Variants in NECAB1 observed in about 807,000 individuals in gnomAD.
NECAB1 encodes N-terminal EF-hand calcium-binding protein 1.
A neutral mutation model predicts 57.5 loss-of-function variants in NECAB1; 29 were observed. The observed-to-expected ratio is 0.50, with a 90% CI of 0.38 to 0.69. The LOEUF (loss-of-function observed/expected upper bound fraction) is 0.69. Ranked by LOEUF, NECAB1 falls within the 30% of genes least tolerant of loss-of-function variation. NECAB1 has a pLI of 0.00. For synonymous variants in NECAB1, 142 were observed against 147.7 expected, an observed-to-expected ratio of 0.96 and a Z score of 0.28; for missense variants, 372 against 413.8, an observed-to-expected ratio of 0.90 and a Z score of 0.88.
intron 2 of NECAB1, among the ~76,000 whole-genome samples, chr8:90,819,528 T>G (rs535909146): frequency 4.9e-4 from 74 of 152,034 alleles, no homozygotes; most frequent in African/African-American, 1.7e-3. Context: ...TCTTTTTGTT[T>G]TTTCTGTTGA....
At chr8:90,826,834 A>G (rs1003006611) in intron 3 of NECAB1, among the ~76,000 whole-genome samples, 10 of 151,906 alleles carry the variant, frequency 6.6e-5, no homozygotes, top group African/African-American at 1.9e-4. Flanking sequence ...CTTTAAGACT[A>G]CTAAATGTTA....
At chr8:90,915,400 T>A (rs1469752987) in intron 5 of NECAB1, among the ~76,000 whole-genome samples, 2 of 152,246 alleles carry the variant, frequency 1.3e-5, no homozygotes, top group South Asian at 4.1e-4. Context: ...AGCTATGAGA[T>A]CAAATTAAAT....
chr8:90,831,344 T>C (rs1350863008), intron 3 of NECAB1, among the ~76,000 whole-genome samples: 1 of 152,092 alleles, frequency 6.6e-6, no homozygotes, highest in Middle Eastern at 3.2e-3. Flanking sequence ...TAAAGGTGAA[T>C]AGATGCCAGG....
At chr8:90,849,553 T>C (rs981459902) in intron 3 of NECAB1, among the ~76,000 whole-genome samples, 1 of 149,792 alleles carries the variant, frequency 6.7e-6, no homozygotes, top group African/African-American at 2.5e-5. Flanking sequence ...GCTTCCTATA[T>C]GCCAAACTGT....
chr8:90,927,204 CTT>C (rs545020130), intron 7 of NECAB1, among the ~76,000 whole-genome samples: 13 of 131,066 alleles, frequency 9.9e-5, no homozygotes, highest in Non-Finnish European at 9.5e-5. Context: ...TTTTCTCTCT[CTT>C]TTTTTTTTTT....
At chr8:90,843,974 T>A (rs1812506642) in intron 3 of NECAB1, among the ~76,000 whole-genome samples, 1 of 152,222 alleles carries the variant, frequency 6.6e-6, no homozygotes, top group South Asian at 2.1e-4. Context: ...ATCTTTCCTC[T>A]ATTCTATACT....
At chr8:90,840,854 T>C (rs1367237902) in intron 3 of NECAB1, among the ~76,000 whole-genome samples, 2 of 151,574 alleles carry the variant, frequency 1.3e-5, no homozygotes, top group East Asian at 3.9e-4. Context: ...CTTTGGGGGA[T>C]GTTGCTGCTA....
In NECAB1 at chr8:90,957,311, A is replaced by G. The variant is rs113771512; in HGVS notation, c.*1799A>G. ...ATTGCTTTGGTTGGTGCATTTAAGT[A>G]TCCAACTCAAAAAGCATATCAAATA... On this transcript the variant is annotated 3_prime_UTR_variant, in exon 13 of 13. Transcript: ENST00000417640. 3 of 152,086 alleles carry G rather than the reference A, an allele frequency of 2.0e-5. No individual in the cohort carries two copies. Among genetic ancestry groups the G allele is most frequent in the Admixed American group, 6.6e-5 (1 of 15,220 alleles). The allele number at this position is 152,086 out of a possible 1,614,324, so 9.4% of individuals were successfully genotyped here. A position where few individuals can be genotyped will look rare whatever the true frequency, so the allele number is the denominator to read the frequency against.
At chr8:90,906,218 T>C (rs897744499) in intron 5 of NECAB1, among the ~76,000 whole-genome samples, 1 of 152,148 alleles carries the variant, frequency 6.6e-6, no homozygotes, top group Admixed American at 6.6e-5. Flanking sequence ...AGTTAATCTC[T>C]CAGTTTTGGG....
At chr8:90,796,130 C>A (rs74612229) in intron 1 of NECAB1, among the ~76,000 whole-genome samples, 4,600 of 152,310 alleles carry the variant, frequency 0.03, 226 homozygotes, top group African/African-American at 0.1. Context: ...ATCCATCTTT[C>A]AGTGCCTGCT....
At chr8:90,872,308 G>T in intron 4 of NECAB1, 155 bp downstream of exon 4, 6 of 579,990 alleles carry the variant, frequency 1.0e-5, no homozygotes, top group Non-Finnish European at 1.4e-5. Flanking sequence ...CTTTACCCGT[G>T]AATTTTGCTC....
chr8:90,807,429 G>A (rs181150910), intron 2 of NECAB1, among the ~76,000 whole-genome samples: 1 of 152,296 alleles, frequency 6.6e-6, no homozygotes, highest in East Asian at 1.9e-4. Flanking sequence ...GTACGTATGA[G>A]TATTTCCAAT....
intron 10 of NECAB1, among the ~76,000 whole-genome samples, chr8:90,946,163 G>T (rs751852428): frequency 1.3e-5 from 2 of 152,074 alleles, no homozygotes; most frequent in African/African-American, 4.8e-5. Flanking sequence ...GCCCCATATT[G>T]GTCTTTTTGG....
At chr8:90,794,936 G>A (rs1811636332) in intron 1 of NECAB1, among the ~76,000 whole-genome samples, 1 of 152,142 alleles carries the variant, frequency 6.6e-6, no homozygotes, top group Non-Finnish European at 1.5e-5. Context: ...CTTGAATACT[G>A]ATGGGAGGCT....
intron 3 of NECAB1, among the ~76,000 whole-genome samples, chr8:90,850,129 CAGAG>C (rs746052777): frequency 6.6e-6 from 1 of 151,918 alleles, no homozygotes; most frequent in African/African-American, 2.4e-5. Flanking sequence ...CAGCAAGGAA[CAGAG>C]AGAGAGATAA....
intron 1 of NECAB1, among the ~76,000 whole-genome samples, chr8:90,793,024 G>A (rs1036388241): frequency 6.6e-6 from 1 of 152,130 alleles, no homozygotes; most frequent in African/African-American, 2.4e-5. Flanking sequence ...GGAGTGCTAC[G>A]TGCTCTGTCC....
chr8:90,844,245 G>T (rs1189483115), intron 3 of NECAB1, among the ~76,000 whole-genome samples: 1 of 152,132 alleles, frequency 6.6e-6, no homozygotes, highest in Admixed American at 6.5e-5. Flanking sequence ...TGCATCAGCA[G>T]GGGTGTCTTC....
At chr8:90,892,051 G>A (rs1043775130) in intron 5 of NECAB1, among the ~76,000 whole-genome samples, 2 of 152,018 alleles carry the variant, frequency 1.3e-5, no homozygotes, top group East Asian at 3.9e-4. Context: ...AGCAGCTAAA[G>A]GCCAAGAATT....
chr8:90,797,517 G>A (rs1342823886), intron 1 of NECAB1, among the ~76,000 whole-genome samples: 1 of 152,210 alleles, frequency 6.6e-6, no homozygotes, highest in East Asian at 1.9e-4. Flanking sequence ...AAGAAGTGAC[G>A]ATCTAAATAT....
Sources: allele counts gnomAD v4.1 joint callset (sites outside exome capture counted in the v4.1 genomes callset), GRCh38; gene constraint gnomAD v4.1.1; transcripts MANE v1.5; gene names NCBI Gene and HGNC (gene_info 2026-07-23, HGNC 2026-07-21).